ERAL1: variants seen among roughly 807,000 people sequenced by gnomAD.
ERAL1 encodes the protein GTPase Era, mitochondrial.
In ERAL1, 36 loss-of-function variants were observed where a neutral mutation model predicts 53.6. The observed-to-expected ratio is 0.67, with a 90% confidence interval of 0.51 to 0.89. The LOEUF is 0.89. ERAL1 is among the 40% of genes least tolerant of loss of function. The pLI is 0.00. For synonymous variants in ERAL1, 215 were observed against 211.8 expected (o/e 1.02, Z -0.13); for missense variants, 512 against 537.5 (o/e 0.95, Z 0.47).
In ERAL1 at chr17:28,856,393, T is replaced by C. The variant is rs2039243444; in HGVS notation, c.411+2T>C. On this transcript the variant is annotated splice_donor_variant, in intron 2 of 9. Coordinates refer to ENST00000254928, the MANE Select transcript of ERAL1 (RefSeq NM_005702.4). LOFTEE classifies it high-confidence loss of function. ...TCCAACCAGCTACTGGGCCGAAAGG[T>C]ATGCTACACCCTTGACCATCCTACC... 1 of 1,613,836 alleles carries C rather than the reference T, an allele frequency of 6.2e-7. No homozygotes were observed. Among genetic ancestry groups the C allele is most frequent in the Non-Finnish European group, 8.5e-7 (1 of 1,179,914 alleles).
At chr17:28,859,786 C>T (rs1016402685) in intron 9 of ERAL1, among the ~76,000 whole-genome samples, 10 of 152,042 alleles carry the variant, frequency 6.6e-5, no homozygotes, top group Admixed American at 4.6e-4. Flanking sequence ...ATTGTCCGCC[C>T]ACCTCAGCCT....
chr17:28,856,581 TGGTGGGTACCTACAAA>T lies in ERAL1; in HGVS notation c.489+2_489+17del, dbSNP rs1567918495. 6.2e-7 allele frequency: 1 copy of T among 1,613,972 alleles called. No homozygotes were observed. The highest frequency in any genetic ancestry group is 2.2e-5 in the East Asian group (1 of 44,880). ...GTCATCACAGAGAAGGAGACCCAGG[TGGTGGGTACCTACAAA>T]GGGAGTCCTTGAAACAGGACAGAGG... On this transcript the variant is annotated splice_donor_variant and splice_donor_5th_base_variant and coding_sequence_variant and intron_variant, in exon 3 of 10. Coordinates refer to ENST00000254928, the MANE Select transcript of ERAL1 (RefSeq NM_005702.4). LOFTEE classifies it high-confidence loss of function.
At chr17:28,856,835 C>A (rs1398378046) in intron 3 of ERAL1, 1 of 429,620 alleles carries the variant, frequency 2.3e-6, no homozygotes. Flanking sequence ...CCTCAGCCTC[C>A]TGAGTAGCTG....
At chr17:28,856,038 C>T (rs1485390889) in intron 1 of ERAL1, among the ~76,000 whole-genome samples, 1 of 152,130 alleles carries the variant, frequency 6.6e-6, no homozygotes, top group East Asian at 1.9e-4. Flanking sequence ...TAAGTAGGTA[C>T]TGTTAATATC....
rs775166713 is a variant in ERAL1 at position 28,858,766 on chromosome 17, A to G, written c.902A>G (p.His301Arg). Residue 301 changes from histidine to arginine, a missense_variant, in exon 7 of 10, where the codon CAC (histidine) becomes CGC (arginine). Physicochemically the swap from His to Arg is conservative, Grantham distance 29 (BLOSUM62 0). Coordinates refer to ENST00000254928, the MANE Select transcript of ERAL1 (RefSeq NM_005702.4). ...AATCCTCAGAGGATTGGCTGGCCCC[A>G]CTTCAAGGAGATCTTCATGTTGTCA... ...VGNPQRIGWP[H>R]FKEIFMLSAL... 2.4e-5 allele frequency: 38 copies of G among 1,614,078 alleles called. No individual in the cohort carries two copies. The highest frequency in any genetic ancestry group is 3.1e-5 in the Non-Finnish European group (37 of 1,180,040).
chr17:28,860,479 G>A lies in ERAL1; in HGVS notation c.1240G>A (p.Glu414Lys). 6.2e-7 allele frequency: 1 copy of A among 1,610,486 alleles called. No homozygotes were observed. The highest frequency in any genetic ancestry group is 2.2e-5 in the East Asian group (1 of 44,556). Residue 414 changes from glutamate to lysine, a missense_variant, in exon 10 of 10, where the codon GAG becomes AAG. Glu to Lys is a moderately conservative substitution (Grantham distance 56, BLOSUM62 1). Transcript: ENST00000254928. ...CCACGTGATCTCCCAGATAGCACAG[G>A]AGGCAGGCCATGACCTCATGGACAT... ...KGHVISQIAQ[E>K]AGHDLMDIFL... is the part of the protein sequence containing the mutation.
In ERAL1 at chr17:28,855,334, G is replaced by A; in HGVS notation, c.283+17G>A. ...TGAACAGAGGTAAAGCGCCCTGATAGGTTTGCTCGGAACTGTCATGTTTTT... is the reference window on the plus strand; with the variant it reads ...TGAACAGAGGTAAAGCGCCCTGATAAGTTTGCTCGGAACTGTCATGTTTTT... On this transcript the variant is annotated intron_variant, in intron 1 of 9. Coordinates refer to ENST00000254928, the MANE Select transcript of ERAL1 (RefSeq NM_005702.4). 1 of 1,553,254 alleles carries A rather than the reference G, an allele frequency of 6.4e-7. No homozygotes were observed. Among genetic ancestry groups the A allele is most frequent in the Non-Finnish European group, 8.7e-7 (1 of 1,148,990 alleles).
chr17:28,855,276 G>C lies in ERAL1; in HGVS notation c.242G>C (p.Ser81Thr), dbSNP rs2039226157. The change falls in exon 1 of 10, where the codon AGT becomes ACT. Residue 81 changes from serine to threonine, a missense_variant. Ser to Thr is a moderately conservative substitution (Grantham distance 58). Coordinates refer to ENST00000254928, the MANE Select transcript of ERAL1 (RefSeq NM_005702.4). ...TTCCTCGGATTCTCTCAGCCCGACAGTTCGGTGACTCCTTGCGTCCCCGCG... is the reference window on the plus strand; with the variant it reads ...TTCCTCGGATTCTCTCAGCCCGACACTTCGGTGACTCCTTGCGTCCCCGCG... The part of the protein sequence containing the change: ...DHFLGFSQPD[S>T]SVTPCVPAVS... 1.2e-6 allele frequency: 2 copies of C among 1,609,318 alleles called. No individual in the cohort carries two copies. Among genetic ancestry groups the C allele is most frequent in the African/African-American group, 1.3e-5 (1 of 74,732 alleles).
In ERAL1 at chr17:28,858,491, G is replaced by C. The variant is rs776961436; in HGVS notation, c.711+5G>C. ...AGTGTCCTGGTCATGAACAAGGTGA[G>C]CACTACCCACCTGAGGAAGGGGTCT... On this transcript the variant is annotated splice_donor_5th_base_variant and intron_variant, in intron 6 of 9. Coordinates refer to ENST00000254928, the MANE Select transcript of ERAL1 (RefSeq NM_005702.4). 1.2e-6 allele frequency: 2 copies of C among 1,614,120 alleles called. No homozygotes were observed. The highest frequency in any genetic ancestry group is 1.3e-5 in the African/African-American group (1 of 75,028).
chr17:28,858,688 G>C lies in ERAL1; in HGVS notation c.824G>C (p.Gly275Ala). ...AGGCAGGCCTTCCACTCACACCCTG[G>C]CACCCATTGCCCCAGCCCAGCAGTT... ...KMRQAFHSHP[G>A]THCPSPAVKD... Residue 275 changes from glycine to alanine, a missense_variant, in exon 7 of 10, where the codon GGC becomes GCC. Coordinates refer to ENST00000254928, the MANE Select transcript of ERAL1 (RefSeq NM_005702.4). 6.2e-7 allele frequency: 1 copy of C among 1,614,158 alleles called. No individual in the cohort carries two copies. The highest frequency in any genetic ancestry group is 1.3e-5 in the African/African-American group (1 of 75,040).
intron 2 of ERAL1, 53 bp downstream of exon 2, chr17:28,856,444 G>C: frequency 6.2e-7 from 1 of 1,613,392 alleles, no homozygotes; most frequent in South Asian, 1.1e-5. Context: ...TTCTTGCCAT[G>C]CCTTCAAGGA....
chr17:28,858,119 C>T, intron 4 of ERAL1, 27 bp from the exon 5 acceptor site: 1 of 1,613,902 alleles, frequency 6.2e-7, no homozygotes, highest in Non-Finnish European at 8.5e-7. Flanking sequence ...TAAGACCTTT[C>T]CTGACTGATG....
chr17:28,858,534 C>T (rs1251189621), intron 6 of ERAL1, 42 bp from the exon 7 acceptor site: 1 of 1,614,120 alleles, frequency 6.2e-7, no homozygotes, highest in East Asian at 2.2e-5. Context: ...TCCAAGTCCC[C>T]TATCTCTGAC....
intron 9 of ERAL1, 46 bp from the exon 10 acceptor site, chr17:28,860,385 G>C: frequency 6.2e-7 from 1 of 1,606,724 alleles, no homozygotes; most frequent in Non-Finnish European, 8.5e-7. Context: ...GGGACTACAG[G>C]CATGTGCCAT....
intron 3 of ERAL1, 130 bp downstream of exon 3, chr17:28,856,712 TTC>T: frequency 3.6e-6 from 3 of 833,498 alleles, no homozygotes; most frequent in Non-Finnish European, 5.8e-6. Context: ...TCTTTTCTTT[TTC>T]TTTTTTTTTT....
rs1449488164 is a variant in ERAL1 at position 28,858,954 on chromosome 17, G to A, written c.961-10G>A. ...ATTAAGATGCCCATCTATTCCCTCT[G>A]TTCCCACAGCAATACCTTCTGACAC... On this transcript the variant is annotated splice_polypyrimidine_tract_variant and intron_variant, in intron 7 of 9. Transcript: ENST00000254928. 1 of 1,613,926 alleles carries A rather than the reference G, an allele frequency of 6.2e-7. No individual in the cohort carries two copies. Among genetic ancestry groups the A allele is most frequent in the Non-Finnish European group, 8.5e-7 (1 of 1,180,026 alleles).
In ERAL1 at chr17:28,860,648, T is replaced by A; in HGVS notation, c.*95T>A. The A allele has an allele frequency of 6.9e-7, 1 of 1,438,888 alleles. No individual in the cohort carries two copies. The highest frequency in any genetic ancestry group is 9.2e-7 in the Non-Finnish European group (1 of 1,090,190). 89.1% of individuals were successfully genotyped at this position (1,438,888 alleles called of 1,614,324 possible). ...TGGCTGGGGACCCTCCAGGCACTGG[T>A]GAGAGACATGAACACTGACTGGCCA... On this transcript the variant is annotated 3_prime_UTR_variant, in exon 10 of 10. Coordinates refer to ENST00000254928, the MANE Select transcript of ERAL1 (RefSeq NM_005702.4).
Position 28,860,686 on chromosome 17 carries a change from G to GC in ERAL1, c.*136dup. ...CACTGACTGGCCACTAGCTGGCCTGGCCCTGTTGAGTCTGCACAGTCCCTG... is the reference window on the plus strand; with the variant it reads ...CACTGACTGGCCACTAGCTGGCCTGGCCCCTGTTGAGTCTGCACAGTCCCTG... On this transcript the variant is annotated 3_prime_UTR_variant, in exon 10 of 10. Coordinates refer to ENST00000254928, the MANE Select transcript of ERAL1 (RefSeq NM_005702.4). The GC allele has an allele frequency of 8.7e-7, 1 of 1,153,662 alleles. No homozygotes were observed. Among genetic ancestry groups the GC allele is most frequent in the African/African-American group, 1.6e-5 (1 of 62,938 alleles). The allele number at this position is 1,153,662 out of a possible 1,614,324, so 71.5% of individuals were successfully genotyped here.
In ERAL1 at chr17:28,858,468, T is replaced by A. The variant is rs2039267739; in HGVS notation, c.693T>A (p.Ser231Arg). Residue 231 changes from serine to arginine, a missense_variant, in exon 6 of 10, where the codon AGT becomes AGA. Ser to Arg is a moderately radical substitution (Grantham distance 110). Transcript: ENST00000254928. ...TGACCAAGTACTCCCAGATCCCTAG[T>A]GTCCTGGTCATGAACAAGGTGAGCA... ...RCLTKYSQIP[S>R]VLVMNKVDCL... The A allele has an allele frequency of 5.0e-6, 8 of 1,613,992 alleles. No individual in the cohort carries two copies. Among genetic ancestry groups the A allele is most frequent in the Admixed American group, 1.7e-5 (1 of 59,974 alleles).
Sources: allele counts gnomAD v4.1 joint callset (sites outside exome capture counted in the v4.1 genomes callset), GRCh38; gene constraint gnomAD v4.1.1; transcripts MANE v1.5; gene names NCBI Gene and HGNC (gene_info 2026-07-23, HGNC 2026-07-21).